Variants in ELOVL6 observed in about 807,000 individuals in gnomAD.
ELOVL6 encodes very long chain fatty acid elongase 6.
In ELOVL6, 8 loss-of-function variants were observed where a neutral mutation model predicts 31.7. The ratio of observed to expected loss-of-function variants is 0.25; its 90% CI spans 0.15 to 0.45. The LOEUF is 0.45. ELOVL6 is among the 20% of genes least tolerant of loss of function. The pLI is 1.00. For missense variants in ELOVL6, 126 were observed against 326.4 expected (o/e 0.39, Z 4.73); for synonymous variants, 101 against 117.7 (o/e 0.86, Z 0.92).
At position 110,158,042 on chromosome 4, in the gene ELOVL6, A is replaced by G. The variant is rs138345899; in HGVS notation, c.89+40205T>C. Among the ~76,000 whole-genome samples, 158 of 152,342 alleles carry G rather than the reference A, an allele frequency of 1.0e-3. 1 individual carries two copies. Among genetic ancestry groups the G allele is most frequent in the African/African-American group, 3.6e-3 (149 of 41,580 alleles). The stretch of plus-strand genomic sequence containing the variant: ...ATAAACCAAAGTTCATGGATATAGT[A>G]CATTGAAACTGTATTTGTCAAGTTA... On this transcript the variant is annotated intron_variant, in intron 1 of 3. Coordinates refer to ENST00000302274, the MANE Select transcript of ELOVL6 (RefSeq NM_024090.3).
chr4:110,175,297 C>G (rs1301941262), intron 1 of ELOVL6, among the ~76,000 whole-genome samples: 2 of 151,918 alleles, frequency 1.3e-5, no homozygotes, highest in African/African-American at 4.8e-5. Context: ...ACATGAAAAT[C>G]GCTTGACCCC....
intron 2 of ELOVL6, among the ~76,000 whole-genome samples, chr4:110,101,046 G>GT (rs1560823257): frequency 6.6e-6 from 1 of 152,132 alleles, no homozygotes; most frequent in African/African-American, 2.4e-5. Context: ...TTTTTTGTTT[G>GT]TTTGTTTGTT....
In ELOVL6 at chr4:110,079,612, G is replaced by A. The variant is rs965954342; in HGVS notation, c.222-19858C>T. Among the ~76,000 whole-genome samples the A allele has an allele frequency of 3.7e-4, 57 of 152,088 alleles. 1 individual carries two copies. The highest frequency in any genetic ancestry group is 1.3e-3 in the African/African-American group (55 of 41,424). ...AGCAGTGTGTAGAGGGAAATTTACA[G>A]CACTAAATGCCCACAAGAGAAAGCA... On this transcript the variant is annotated intron_variant, in intron 2 of 3. Transcript: ENST00000302274.
At position 110,088,949 on chromosome 4, in the gene ELOVL6, CAG is replaced by C. The variant is rs534086435; in HGVS notation, c.221+16546_221+16547del. ...CAGTTACCACCGGTAACTGAAACCA[CAG>C]AAAGTAAAATCGTGGGTAAGGGAAA... On this transcript the variant is annotated intron_variant, in intron 2 of 3. Coordinates refer to ENST00000302274, the MANE Select transcript of ELOVL6 (RefSeq NM_024090.3). 7.2e-5 allele frequency among the ~76,000 whole-genome samples: 11 copies of C among 152,290 alleles called. 1 individual carries two copies. The South Asian group carries it at 2.3e-3, about 32-fold the overall frequency.
rs1302895558 is a variant in ELOVL6, at chr4:110,158,647, ATATATATATAT to A, written c.89+39589_89+39599del. On this transcript the variant is annotated intron_variant, in intron 1 of 3. Coordinates refer to ENST00000302274, the MANE Select transcript of ELOVL6 (RefSeq NM_024090.3). The stretch of plus-strand genomic sequence containing the variant: ...CATATATACACGTGTATATATATAT[ATATATATATAT>A]TTTTTTTTTTTTTTTTTTTGAGACA... Among the ~76,000 whole-genome samples, 612 of 94,978 alleles carry A rather than the reference ATATATATATAT, an allele frequency of 6.4e-3. 3 individuals carry two copies. Among genetic ancestry groups the A allele is most frequent in the African/African-American group, 0.034 (570 of 16,994 alleles). The allele number at this position is 94,978 out of a possible 152,430, so 62.3% of individuals were successfully genotyped here.
chr4:110,196,372 G>T (rs1267460521), intron 1 of ELOVL6, among the ~76,000 whole-genome samples: 1 of 152,198 alleles, frequency 6.6e-6, no homozygotes, highest in East Asian at 1.9e-4. Context: ...AGAAGACCCG[G>T]GCCCGGGGCT....
chr4:110,179,746 T>A, intron 1 of ELOVL6, among the ~76,000 whole-genome samples: 1 of 152,354 alleles, frequency 6.6e-6, no homozygotes, highest in East Asian at 1.9e-4. Flanking sequence ...GGAGCTGTTA[T>A]GTTGTAACTA....
At chr4:110,091,245 T>G (rs1215841381) in intron 2 of ELOVL6, among the ~76,000 whole-genome samples, 1 of 152,196 alleles carries the variant, frequency 6.6e-6, no homozygotes, top group Non-Finnish European at 1.5e-5. Context: ...GAGTGATTCC[T>G]TCACTCCAAG....
intron 2 of ELOVL6, among the ~76,000 whole-genome samples, chr4:110,101,385 G>T (rs1756736528): frequency 6.7e-6 from 1 of 149,006 alleles, no homozygotes; most frequent in Non-Finnish European, 1.5e-5. Flanking sequence ...CTTCATTCAT[G>T]AAATATTTGG....
intron 1 of ELOVL6, among the ~76,000 whole-genome samples, chr4:110,178,895 A>G (rs149323211): frequency 1.3e-5 from 2 of 152,266 alleles, no homozygotes; most frequent in Admixed American, 6.5e-5. Context: ...ATGTTAGTGT[A>G]TATCTCAGGG....
chr4:110,196,073 G>C (rs919493228), intron 1 of ELOVL6, among the ~76,000 whole-genome samples: 1 of 152,194 alleles, frequency 6.6e-6, no homozygotes, highest in Non-Finnish European at 1.5e-5. Flanking sequence ...GGAGAGAAGA[G>C]GCGGGAAATG....
chr4:110,160,431 T>G (rs1037108152), intron 1 of ELOVL6, among the ~76,000 whole-genome samples: 4 of 152,232 alleles, frequency 2.6e-5, no homozygotes, highest in African/African-American at 9.6e-5. Flanking sequence ...AGACATGCTA[T>G]GTATATACAA....
intron 1 of ELOVL6, among the ~76,000 whole-genome samples, chr4:110,118,995 C>G (rs543548589): frequency 6.6e-6 from 1 of 152,160 alleles, no homozygotes; most frequent in Non-Finnish European, 1.5e-5. Flanking sequence ...TGGGAGGTGG[C>G]GGAGGTTGCA....
At chr4:110,084,582 ATATATATT>A (rs1163928724) in intron 2 of ELOVL6, among the ~76,000 whole-genome samples, 22 of 54,462 alleles carry the variant, frequency 4.0e-4, no homozygotes, top group African/African-American at 2.6e-3. Context: ...ATATATATAT[ATATATATT>A]TTTTTTTTTT....
At chr4:110,143,609 T>C (rs1758025285) in intron 1 of ELOVL6, among the ~76,000 whole-genome samples, 1 of 151,748 alleles carries the variant, frequency 6.6e-6, no homozygotes, top group African/African-American at 2.4e-5. Context: ...TGTTTCTACA[T>C]ACAGACCTCC....
chr4:110,075,229 T>C (rs139390865), intron 2 of ELOVL6, among the ~76,000 whole-genome samples: 121 of 152,250 alleles, frequency 7.9e-4, no homozygotes, highest in African/African-American at 2.8e-3. Context: ...TAAAAAGAAA[T>C]AGAATTGCCA....
rs981775682 is a variant in ELOVL6, at chr4:110,046,611, T to C, written c.*4727A>G. The C allele has an allele frequency of 7.9e-5, 12 of 152,250 alleles. No individual in the cohort carries two copies. Among genetic ancestry groups the C allele is most frequent in the Non-Finnish European group, 1.3e-4 (9 of 68,050 alleles). The allele number at this position is 152,250 out of a possible 1,614,324, so 9.4% of individuals were successfully genotyped here. A position where few individuals can be genotyped will look rare whatever the true frequency, so the allele number is the denominator to read the frequency against. Reference sequence around the variant, plus strand: ...GGAAAGTAACTTGATTCAACAGGTTTGTGTATGTTCTTCAAAGCTCTGTGC... The same window carrying C: ...GGAAAGTAACTTGATTCAACAGGTTCGTGTATGTTCTTCAAAGCTCTGTGC... On this transcript the variant is annotated 3_prime_UTR_variant, in exon 4 of 4. Coordinates refer to ENST00000302274, the MANE Select transcript of ELOVL6 (RefSeq NM_024090.3).
In ELOVL6 at chr4:110,046,164, G is replaced by A. The variant is rs886647339; in HGVS notation, c.*5174C>T. On this transcript the variant is annotated 3_prime_UTR_variant, in exon 4 of 4. Transcript: ENST00000302274. ...TTCTGTGGCCTTCTTAGTTTTTGTC[G>A]ATGGAAATAAAGTCTCAAGTGCTAC... is the stretch of plus-strand genomic sequence containing the variant. The A allele has an allele frequency of 1.3e-5, 2 of 152,110 alleles. No homozygotes were observed. Among genetic ancestry groups the A allele is most frequent in the Non-Finnish European group, 2.9e-5 (2 of 68,030 alleles). 9.4% of individuals were successfully genotyped at this position (152,110 alleles called of 1,614,324 possible). A position where few individuals can be genotyped will look rare whatever the true frequency, so the allele number is the denominator to read the frequency against.
chr4:110,178,759 C>CTG (rs1578282834), intron 1 of ELOVL6, among the ~76,000 whole-genome samples: 1 of 152,046 alleles, frequency 6.6e-6, no homozygotes, highest in Non-Finnish European at 1.5e-5. Context: ...GAGCCTGAGG[C>CTG]TGGAGAATCA....
Sources: allele counts gnomAD v4.1 joint callset (sites outside exome capture counted in the v4.1 genomes callset), GRCh38; gene constraint gnomAD v4.1.1; transcripts MANE v1.5; gene names NCBI Gene and HGNC (gene_info 2026-07-23, HGNC 2026-07-21).